KCND3: variants seen among roughly 807,000 people sequenced by gnomAD.
KCND3 encodes A-type voltage-gated potassium channel KCND3.
A neutral mutation model predicts 51.1 loss-of-function variants in KCND3; 9 were observed. That is an observed-to-expected ratio of 0.18 (90% CI 0.11 to 0.31). KCND3 has a LOEUF of 0.31. Among genes scored for constraint, KCND3 ranks in the 10% least tolerant of loss-of-function variants. The pLI is 1.00. For synonymous variants in KCND3, 349 were observed against 368.0 expected (o/e 0.95, Z 0.59); for missense variants, 526 against 903.8 (o/e 0.58, Z 5.36).
chr1:111,777,295 G>T, intron 6 of KCND3, 22 bp from the exon 7 acceptor site: 2 of 1,613,778 alleles, frequency 1.2e-6, no homozygotes, highest in Non-Finnish European at 1.7e-6. Context: ...AGAAGGAGAA[G>T]AAGTAGGAAA....
intron 2 of KCND3, among the ~76,000 whole-genome samples, chr1:111,940,584 A>G (rs1672468334): frequency 6.6e-6 from 1 of 152,138 alleles, no homozygotes; most frequent in Non-Finnish European, 1.5e-5. Flanking sequence ...CCATTGGTCT[A>G]TGTATCTGCT....
intron 2 of KCND3, among the ~76,000 whole-genome samples, chr1:111,884,209 C>A (rs1044398503): frequency 6.6e-6 from 1 of 152,206 alleles, no homozygotes; most frequent in African/African-American, 2.4e-5. Context: ...TCTGTGAACA[C>A]CAACAACTCC....
rs182692264 is a variant in KCND3, at chr1:111,891,639, A to G, written c.1106+89982T>C. ...TCTCTGCTTTACCGTTCTCCATCACATGGGTTACCAGCAAACTTAATCATG... is the reference window on the plus strand; with the variant it reads ...TCTCTGCTTTACCGTTCTCCATCACGTGGGTTACCAGCAAACTTAATCATG... On this transcript the variant is annotated intron_variant, in intron 2 of 7. Coordinates refer to ENST00000302127, the MANE Select transcript of KCND3 (RefSeq NM_001378969.1). Among the ~76,000 whole-genome samples the G allele has an allele frequency of 1.8e-3, 278 of 152,282 alleles. 2 individuals are homozygous for G. The highest frequency in any genetic ancestry group is 2.2e-3 in the Non-Finnish European group (147 of 68,034).
chr1:111,856,038 C>T (rs1382881830), intron 2 of KCND3, among the ~76,000 whole-genome samples: 1 of 152,200 alleles, frequency 6.6e-6, no homozygotes, highest in Non-Finnish European at 1.5e-5. Flanking sequence ...CTTGCCAGGA[C>T]CCCCACTGGC....
chr1:111,778,022 G>A (rs1372534712), intron 6 of KCND3, among the ~76,000 whole-genome samples: 1 of 152,206 alleles, frequency 6.6e-6, no homozygotes, highest in East Asian at 1.9e-4. Flanking sequence ...GGCATTGATG[G>A]TCTGGCTAAG....
chr1:111,984,954 G>T (rs375764851), intron 1 of KCND3, among the ~76,000 whole-genome samples: 1 of 152,004 alleles, frequency 6.6e-6, no homozygotes. Context: ...CTATCACCCC[G>T]CAGCTAGGAT....
At chr1:111,939,129 C>T (rs560464697) in intron 2 of KCND3, among the ~76,000 whole-genome samples, 86 of 152,336 alleles carry the variant, frequency 5.6e-4, no homozygotes, top group Middle Eastern at 3.4e-3. Context: ...CTGTGGTAGA[C>T]GCATTAACAT....
Position 111,780,363 on chromosome 1 carries a change from C to A in KCND3, c.1372-49G>T. 1 of 1,476,662 alleles carries A rather than the reference C, an allele frequency of 6.8e-7. No homozygotes were observed. Among genetic ancestry groups the A allele is most frequent in the South Asian group, 1.2e-5 (1 of 82,588 alleles). 91.5% of individuals were successfully genotyped at this position (1,476,662 alleles called of 1,614,324 possible). ...GAGTAAAAAGCTGGTGGCTCTTCCC[C>A]TCTCCAGCTCCTTCATTTCTCCACT... On this transcript the variant is annotated intron_variant, in intron 4 of 7. Transcript: ENST00000302127. This position sits in a 1 kb window ranked among gnomAD's most constrained non-coding sequence, Gnocchi z 4.2.
At chr1:111,790,921 G>A (rs1231660360) in intron 2 of KCND3, among the ~76,000 whole-genome samples, 1 of 152,220 alleles carries the variant, frequency 6.6e-6, no homozygotes, top group African/African-American at 2.4e-5. Flanking sequence ...TTTTATGGCT[G>A]AATAACATTC....
chr1:111,960,742 A>G (rs530793640), intron 2 of KCND3, among the ~76,000 whole-genome samples: 8 of 152,348 alleles, frequency 5.3e-5, no homozygotes, highest in Non-Finnish European at 8.8e-5. Context: ...CTTTCTCTCC[A>G]ACCCCTTCTC....
At chr1:111,790,244 G>A (rs989168453) in intron 2 of KCND3, among the ~76,000 whole-genome samples, 1 of 152,124 alleles carries the variant, frequency 6.6e-6, no homozygotes, top group African/African-American at 2.4e-5. Context: ...TTTAACCTGA[G>A]CCTCTATCAC....
chr1:111,906,755 T>G (rs1263879367), intron 2 of KCND3, among the ~76,000 whole-genome samples: 2 of 152,138 alleles, frequency 1.3e-5, no homozygotes, highest in Non-Finnish European at 2.9e-5. Context: ...CAGATCTCTC[T>G]GTGCACAAAG....
intron 2 of KCND3, among the ~76,000 whole-genome samples, chr1:111,821,825 C>T (rs1365190629): frequency 1.3e-5 from 2 of 152,174 alleles, no homozygotes; most frequent in African/African-American, 4.8e-5. Context: ...AGCCCCTCTG[C>T]TGTTTGGAAG....
intron 2 of KCND3, among the ~76,000 whole-genome samples, chr1:111,958,350 G>T (rs1040631898): frequency 1.3e-5 from 2 of 152,182 alleles, no homozygotes; most frequent in Non-Finnish European, 2.9e-5. Flanking sequence ...AGCCAAGGTA[G>T]GAGAGAGCCT....
chr1:111,898,744 A>C (rs1192270522), intron 2 of KCND3, among the ~76,000 whole-genome samples: 1 of 152,190 alleles, frequency 6.6e-6, no homozygotes, highest in Non-Finnish European at 1.5e-5. Context: ...GGGAAACAGC[A>C]GAGACCACAG....
chr1:111,794,814 A>G (rs1399700703), intron 2 of KCND3, among the ~76,000 whole-genome samples: 1 of 152,210 alleles, frequency 6.6e-6, no homozygotes, highest in Non-Finnish European at 1.5e-5. Flanking sequence ...ATCCCCTCCC[A>G]TGAGTAGACA....
intron 2 of KCND3, among the ~76,000 whole-genome samples, chr1:111,832,761 T>C (rs951612977): frequency 1.3e-5 from 2 of 152,118 alleles, no homozygotes; most frequent in African/African-American, 4.8e-5. Flanking sequence ...GGAGGTGTAG[T>C]TCTAACGGAA....
chr1:111,855,912 G>A (rs896392656), intron 2 of KCND3, among the ~76,000 whole-genome samples: 17 of 152,150 alleles, frequency 1.1e-4, no homozygotes, highest in African/African-American at 3.1e-4. Flanking sequence ...TCATAGAAAC[G>A]GCCCCCTCAA....
Position 111,777,161 on chromosome 1 carries a change from G to A in KCND3, c.1631C>T (p.Thr544Ile), listed in dbSNP as rs1664158813. 6.2e-7 allele frequency: 1 copy of A among 1,614,106 alleles called. No individual in the cohort carries two copies. The highest frequency in any genetic ancestry group is 8.5e-7 in the Non-Finnish European group (1 of 1,180,050). Residue 544 changes from threonine (T) to isoleucine (I), a missense_variant, in exon 7 of 8, where the codon ACC becomes ATC. This residue lies in a region of KCND3 where 266 missense variants were observed against 305.5 expected (regional missense o/e 0.87). Coordinates refer to ENST00000302127, the MANE Select transcript of KCND3 (RefSeq NM_001378969.1). ...CTTACTACGACGGGAGCAGCAGGTGGTAGTGAGGCCTGGGTGGCTGGACAG... is the reference window on the plus strand; with the variant it reads ...CTTACTACGACGGGAGCAGCAGGTGATAGTGAGGCCTGGGTGGCTGGACAG... ...PSLSSHPGLT[T>I]TCCSRRSKKT...
Sources: allele counts gnomAD v4.1 joint callset (sites outside exome capture counted in the v4.1 genomes callset), GRCh38; gene constraint gnomAD v4.1.1; regional missense constraint gnomAD v4.1.1; non-coding constraint Gnocchi (gnomAD v3.1); transcripts MANE v1.5; gene names NCBI Gene and HGNC (gene_info 2026-07-23, HGNC 2026-07-21).